Variants in NRXN3 observed in about 807,000 individuals in gnomAD.
NRXN3 encodes neurexin III.
A neutral mutation model predicts 137.6 loss-of-function variants in NRXN3; 32 were observed. The ratio of observed to expected loss-of-function variants is 0.23; its 90% CI spans 0.18 to 0.31. NRXN3 has a LOEUF of 0.31. Among genes scored for constraint, NRXN3 ranks in the 10% least tolerant of loss-of-function variants. NRXN3 has a pLI of 1.00. For synonymous variants in NRXN3, 798 were observed against 784.5 expected, an observed-to-expected ratio of 1.02 and a Z score of -0.29; for missense variants, 1,574 against 2,062.5, an observed-to-expected ratio of 0.76 and a Z score of 4.59.
chr14:78,267,010 C>T (rs2071864900), intron 2 of NRXN3, among the ~76,000 whole-genome samples: 1 of 152,138 alleles, frequency 6.6e-6, no homozygotes, highest in South Asian at 2.1e-4. Flanking sequence ...CACTATGTTA[C>T]CCCTTCCTTC....
chr14:79,101,015 T>C (rs1317503500), intron 15 of NRXN3, among the ~76,000 whole-genome samples: 7 of 152,206 alleles, frequency 4.6e-5, no homozygotes, highest in Non-Finnish European at 1.0e-4. Flanking sequence ...TTTACTTTGT[T>C]TTTTTCCTAA....
intron 4 of NRXN3, among the ~76,000 whole-genome samples, chr14:78,496,832 C>T (rs977139344): frequency 6.6e-6 from 1 of 152,002 alleles, no homozygotes; most frequent in Admixed American, 6.6e-5. Context: ...AAGTTAACTA[C>T]TGGGAGCCAG....
intron 10 of NRXN3, among the ~76,000 whole-genome samples, chr14:78,811,734 C>A (rs1345889712): frequency 6.6e-6 from 1 of 151,986 alleles, no homozygotes; most frequent in African/African-American, 2.4e-5. Context: ...TAATAAAGCC[C>A]AATTCTACTT....
chr14:79,232,255 C>G (rs577655463), intron 15 of NRXN3, among the ~76,000 whole-genome samples: 1 of 151,798 alleles, frequency 6.6e-6, no homozygotes, highest in Non-Finnish European at 1.5e-5. Flanking sequence ...TGTGTGTGCG[C>G]GCGCACGTGT....
chr14:78,588,638 C>T (rs1311741033), intron 4 of NRXN3, among the ~76,000 whole-genome samples: 1 of 152,208 alleles, frequency 6.6e-6, no homozygotes, highest in Non-Finnish European at 1.5e-5. Context: ...ACTCGCTTCT[C>T]CTTCCTTATA....
At chr14:78,459,774 C>G (rs1439594866) in intron 4 of NRXN3, among the ~76,000 whole-genome samples, 1 of 152,174 alleles carries the variant, frequency 6.6e-6, no homozygotes, top group East Asian at 1.9e-4. Flanking sequence ...ACTTCTGTGA[C>G]CCCTGGCCGT....
At chr14:78,211,119 G>C (rs2062700630) in intron 1 of NRXN3, among the ~76,000 whole-genome samples, 1 of 152,308 alleles carries the variant, frequency 6.6e-6, no homozygotes, top group South Asian at 2.1e-4. Context: ...TTCAAAAATT[G>C]TTAGCTGTTA....
At chr14:78,451,769 A>T (rs1367176931) in intron 4 of NRXN3, among the ~76,000 whole-genome samples, 2 of 152,238 alleles carry the variant, frequency 1.3e-5, no homozygotes, top group Non-Finnish European at 2.9e-5. Context: ...TTTATGCAGG[A>T]TGGCATTTAG....
intron 10 of NRXN3, among the ~76,000 whole-genome samples, chr14:78,838,979 G>A (rs772614963): frequency 6.6e-6 from 1 of 152,158 alleles, no homozygotes; most frequent in African/African-American, 2.4e-5. Context: ...TGAAAACTAT[G>A]CCTGTCTCAG....
intron 15 of NRXN3, among the ~76,000 whole-genome samples, chr14:79,376,237 T>C (rs2094290902): frequency 2.0e-5 from 2 of 100,386 alleles, no homozygotes; most frequent in African/African-American, 7.0e-5. Flanking sequence ...TATATATATA[T>C]ATATATATAT....
intron 8 of NRXN3, among the ~76,000 whole-genome samples, chr14:78,744,227 C>T (rs566251600): frequency 1.4e-4 from 22 of 152,228 alleles, no homozygotes; most frequent in South Asian, 1.0e-3. Flanking sequence ...CTGCAGCCTC[C>T]GCCTCCCGGG....
At chr14:78,544,605 T>C (rs1467577356) in intron 4 of NRXN3, among the ~76,000 whole-genome samples, 1 of 152,230 alleles carries the variant, frequency 6.6e-6, no homozygotes, top group African/African-American at 2.4e-5. Flanking sequence ...ACAAGTAAGT[T>C]AAGGCTCATA....
intron 20 of NRXN3, among the ~76,000 whole-genome samples, chr14:79,807,468 T>C (rs2099212478): frequency 1.3e-5 from 2 of 152,098 alleles, no homozygotes; most frequent in African/African-American, 2.4e-5. Flanking sequence ...AGCTCCCCAG[T>C]TTATGGGTAT....
intron 8 of NRXN3, among the ~76,000 whole-genome samples, chr14:78,756,679 C>A (rs900301175): frequency 1.9e-4 from 29 of 149,038 alleles, no homozygotes; most frequent in Non-Finnish European, 4.4e-5. Flanking sequence ...AAACAAAAAA[C>A]AGCTGTACTT....
At chr14:79,740,673 T>C (rs1274637523) in intron 19 of NRXN3, among the ~76,000 whole-genome samples, 1 of 135,624 alleles carries the variant, frequency 7.4e-6, no homozygotes, top group East Asian at 2.3e-4. Context: ...ATGACACTTA[T>C]TAACTACTGC....
intron 19 of NRXN3, among the ~76,000 whole-genome samples, chr14:79,777,137 G>A (rs759000953): frequency 1.3e-5 from 2 of 152,046 alleles, no homozygotes; most frequent in African/African-American, 4.8e-5. Context: ...TAGTATGGCT[G>A]GTTCTTTATC....
At chr14:78,585,635 G>T (rs2097054952) in intron 4 of NRXN3, among the ~76,000 whole-genome samples, 1 of 152,042 alleles carries the variant, frequency 6.6e-6, no homozygotes, top group African/African-American at 2.4e-5. Flanking sequence ...TGATGGGGTT[G>T]TTGGTAATTG....
chr14:79,325,678 A>C (rs1241083474), intron 15 of NRXN3, among the ~76,000 whole-genome samples: 1 of 152,150 alleles, frequency 6.6e-6, no homozygotes, highest in Admixed American at 6.6e-5. Context: ...TTTTTCAAGA[A>C]GGTCTTCTTC....
intron 4 of NRXN3, among the ~76,000 whole-genome samples, chr14:78,488,702 A>G (rs1377572637): frequency 6.6e-6 from 1 of 151,592 alleles, no homozygotes; most frequent in East Asian, 1.9e-4. Flanking sequence ...AAGATGAAAG[A>G]AAGAGGGAGA....
Sources: gnomAD v4.1 joint callset for allele counts (sites outside exome capture counted in the v4.1 genomes callset) on GRCh38, gnomAD v4.1.1 for gene constraint, MANE v1.5 for transcripts, NCBI Gene and HGNC (gene_info 2026-07-23, HGNC 2026-07-21) for gene names.